The following AGMO variants were observed in gnomAD, a reference collection of about 807,000 sequenced individuals.
AGMO encodes glyceryl-ether monooxygenase.
Under a neutral mutation model 60.2 loss-of-function variants are expected in AGMO, and 75 were observed. That is an observed-to-expected ratio of 1.25 (90% CI 1.03 to 1.51). AGMO has a LOEUF of 1.51. AGMO is among the 40% of genes most tolerant of loss of function. AGMO has a pLI of 0.00. For missense variants in AGMO, 763 were observed against 525.5 expected (o/e 1.45, Z -4.42); for synonymous variants, 261 against 177.1 (o/e 1.47, Z -3.76).
At chr7:15,308,596 T>G (rs761146427) in intron 12 of AGMO, among the ~76,000 whole-genome samples, 1 of 152,182 alleles carries the variant, frequency 6.6e-6, no homozygotes, top group Non-Finnish European at 1.5e-5. Context: ...AAACAAGATT[T>G]ATGCCTTTAA....
At chr7:15,366,772 A>C (rs933891281) in intron 10 of AGMO, among the ~76,000 whole-genome samples, 2 of 152,040 alleles carry the variant, frequency 1.3e-5, no homozygotes, top group Non-Finnish European at 2.9e-5. Context: ...TTAAACATTA[A>C]GCATTAGTGT....
chr7:15,431,174 T>C (rs2128498367), intron 3 of AGMO, 66 bp from the exon 4 acceptor site: 2 of 1,105,400 alleles, frequency 1.8e-6, no homozygotes, highest in African/African-American at 1.5e-5. Context: ...TTTTCAGTTA[T>C]GCATGCTGCT....
At chr7:15,141,862 C>T in the AGMO span, among the ~76,000 whole-genome samples, 2 of 152,084 alleles carry the variant, frequency 1.3e-5, no homozygotes, top group Non-Finnish European at 2.9e-5. Flanking sequence ...ATGCCTAGAA[C>T]TGAGCTAGGA....
intron 12 of AGMO, among the ~76,000 whole-genome samples, chr7:15,270,188 A>G (rs560329913): frequency 6.6e-6 from 1 of 152,150 alleles, no homozygotes; most frequent in African/African-American, 2.4e-5. Context: ...AAATCTCCAC[A>G]CTGTTTTTCA....
intron 12 of AGMO, among the ~76,000 whole-genome samples, chr7:15,322,332 G>A (rs1161328449): frequency 1.4e-5 from 2 of 145,582 alleles, no homozygotes; most frequent in African/African-American, 2.5e-5. Context: ...GCAGATATAT[G>A]CCATACCAGT....
chr7:15,219,597 G>C (rs1781853881), intron 12 of AGMO, among the ~76,000 whole-genome samples: 1 of 152,080 alleles, frequency 6.6e-6, no homozygotes, highest in Non-Finnish European at 1.5e-5. Flanking sequence ...CAAGATAGGT[G>C]ATTGAAGCGT....
chr7:15,365,794 T>C (rs1300679970), intron 11 of AGMO, among the ~76,000 whole-genome samples, 175 bp from the exon 12 acceptor site: 1 of 152,078 alleles, frequency 6.6e-6, no homozygotes, highest in Non-Finnish European at 1.5e-5. Flanking sequence ...CACTCATCTT[T>C]TTCGGGAAAA....
intron 8 of AGMO, among the ~76,000 whole-genome samples, chr7:15,390,152 C>A (rs1784078566): frequency 6.6e-6 from 1 of 152,048 alleles, no homozygotes; most frequent in Non-Finnish European, 1.5e-5. Context: ...AATGAACAAC[C>A]AGTACCACAT....
At chr7:15,186,054 T>C in the AGMO span, among the ~76,000 whole-genome samples, 1 of 152,178 alleles carries the variant, frequency 6.6e-6, no homozygotes, top group East Asian at 1.9e-4. Context: ...TCTGTGAGCA[T>C]TTGATAGGTA....
At chr7:15,390,789 G>C (rs762962336) in intron 7 of AGMO, 39 bp from the exon 8 acceptor site, 3 of 1,454,332 alleles carry the variant, frequency 2.1e-6, no homozygotes, top group South Asian at 2.4e-5. Flanking sequence ...TTGGCTTCCT[G>C]TAAAGTAAAG....
At chr7:15,387,630 G>A in intron 8 of AGMO, 90 bp from the exon 9 acceptor site, 3 of 1,173,338 alleles carry the variant, frequency 2.6e-6, no homozygotes, top group East Asian at 2.6e-5. Flanking sequence ...TATTGTTCAA[G>A]GTAATTTACG....
intron 12 of AGMO, among the ~76,000 whole-genome samples, chr7:15,348,453 G>T (rs1399586618): frequency 1.3e-5 from 2 of 152,002 alleles, no homozygotes; most frequent in Non-Finnish European, 2.9e-5. Flanking sequence ...AGGATCAAAT[G>T]AAAGAAAGTT....
At chr7:15,243,177 T>C (rs754976107) in intron 12 of AGMO, among the ~76,000 whole-genome samples, 15 of 152,138 alleles carry the variant, frequency 9.9e-5, no homozygotes, top group Non-Finnish European at 1.9e-4. Flanking sequence ...GCTTTTATAA[T>C]CCTACTCACT....
chr7:15,395,677 A>T (rs1280204790), intron 5 of AGMO, among the ~76,000 whole-genome samples: 1 of 152,172 alleles, frequency 6.6e-6, no homozygotes, highest in Non-Finnish European at 1.5e-5. Flanking sequence ...TGGATATATA[A>T]ATTTATTGTT....
At chr7:15,210,114 G>C (rs2115475652) in intron 12 of AGMO, among the ~76,000 whole-genome samples, 1 of 152,158 alleles carries the variant, frequency 6.6e-6, no homozygotes, top group Non-Finnish European at 1.5e-5. Flanking sequence ...ATGATACAGA[G>C]TATTGGAAAG....
chr7:15,321,071 T>G (rs1781093982), intron 12 of AGMO, among the ~76,000 whole-genome samples: 2 of 152,166 alleles, frequency 1.3e-5, no homozygotes, highest in South Asian at 4.1e-4. Flanking sequence ...ATATTTTTGT[T>G]TGTTTTGCAG....
intron 4 of AGMO, among the ~76,000 whole-genome samples, chr7:15,424,294 A>G (rs1341801523): frequency 3.3e-5 from 5 of 152,136 alleles, no homozygotes; most frequent in African/African-American, 1.2e-4. Flanking sequence ...CTCTGCCACC[A>G]TGACTGGCCC....
intron 10 of AGMO, among the ~76,000 whole-genome samples, chr7:15,371,814 A>G (rs1029055892): frequency 1.3e-5 from 2 of 152,162 alleles, no homozygotes; most frequent in African/African-American, 4.8e-5. Flanking sequence ...TGGGATTTAT[A>G]GGCATGAGCC....
At chr7:15,381,046 T>G (rs1783663213) in intron 10 of AGMO, among the ~76,000 whole-genome samples, 1 of 152,098 alleles carries the variant, frequency 6.6e-6, no homozygotes, top group African/African-American at 2.4e-5. Flanking sequence ...GATTAAAGAC[T>G]TAAATGTGAA....
Sources: allele counts gnomAD v4.1 joint callset (sites outside exome capture counted in the v4.1 genomes callset), GRCh38; gene constraint gnomAD v4.1.1; transcripts MANE v1.5; gene names NCBI Gene and HGNC (gene_info 2026-07-23, HGNC 2026-07-21).